PRR12: variants seen among roughly 807,000 people sequenced by gnomAD.
The protein encoded by PRR12 is proline rich 12, also known as proline-rich protein 12.
PRR12 carries 12 observed loss-of-function variants against 138.0 expected under a neutral mutation model. That is an observed-to-expected ratio of 0.09 (90% CI 0.06 to 0.14). PRR12 has a LOEUF of 0.14. Ranked by LOEUF, PRR12 falls within the 10% of genes least tolerant of loss-of-function variation. PRR12 has a pLI of 1.00. For synonymous variants in PRR12, 1,567 were observed against 1,291.7 expected (o/e 1.21, Z -4.57); for missense variants, 2,692 against 2,861.3 (o/e 0.94, Z 1.35).
Position 49,614,425 on chromosome 19 carries a change from C to A in PRR12, c.4774-108C>A. ...AGATATTTGTTGTTGACGTGTCTGC[C>A]TTTTCTCTAAGGGGATGGTGAGGGA... On this transcript the variant is annotated intron_variant, in intron 6 of 13. Coordinates refer to ENST00000418929, the MANE Select transcript of PRR12 (RefSeq NM_020719.3). This position sits in a 1 kb window ranked among gnomAD's most constrained non-coding sequence, Gnocchi z 5.0. The A allele has an allele frequency of 1.4e-6, 1 of 714,942 alleles. No homozygotes were observed. Among genetic ancestry groups the A allele is most frequent in the Non-Finnish European group, 2.3e-6 (1 of 441,584 alleles). The allele number at this position is 714,942 out of a possible 1,614,324, so 44.3% of individuals were successfully genotyped here. A position where few individuals can be genotyped will look rare whatever the true frequency, so the allele number is the denominator to read the frequency against.
Position 49,624,325 on chromosome 19 carries a change from G to C in PRR12, c.5722-519G>C, listed in dbSNP as rs564163253. Among the ~76,000 whole-genome samples, 4 of 150,166 alleles carry C rather than the reference G, an allele frequency of 2.7e-5. No individual in the cohort carries two copies. In the South Asian group the frequency reaches 6.3e-4, roughly 24 times the overall value. On this transcript the variant is annotated intron_variant, in intron 11 of 13. Coordinates refer to ENST00000418929, the MANE Select transcript of PRR12 (RefSeq NM_020719.3). ...TGGTTAGGATGGTGCTGAGAATTCT[G>C]GGGTAGGTGGTTAGGATGGTGCTGA...
chr19:49,596,152 G>T lies in PRR12; in HGVS notation c.1817G>T (p.Gly606Val). 6.2e-7 allele frequency: 1 copy of T among 1,607,456 alleles called. No homozygotes were observed. The change falls in exon 4 of 14, where the codon GGC becomes GTC. Residue 606 changes from glycine (G) to valine (V), a missense_variant. This residue lies in a region of PRR12 where 66 missense variants were observed against 102.4 expected (regional missense o/e 0.64). Coordinates refer to ENST00000418929, the MANE Select transcript of PRR12 (RefSeq NM_020719.3). This position sits in a 1 kb window ranked among gnomAD's most constrained non-coding sequence, Gnocchi z 5.6. ...CCTTTCCTGGCACCTCCGGGAGCTG[G>T]CAGCTATGCAGCCGGAGCAGGTGGC... is the stretch of plus-strand genomic sequence containing the variant. ...SAPFLAPPGA[G>V]SYAAGAGGYK...
Position 49,594,913 on chromosome 19 carries a change from C to T in PRR12, c.578C>T (p.Pro193Leu). ...CCTCATGACGTGCTGCACCTGAAGC[C>T]CTCGCAGGCACCCACGGTGCCCTCT... ...LSPHDVLHLKPSQAPTVPSSL... is the reference protein window; with the variant it reads ...LSPHDVLHLKLSQAPTVPSSL... The change falls in exon 4 of 14, where the codon CCC (proline) becomes CTC (leucine). Residue 193 changes from proline to leucine, a missense_variant. Physicochemically the swap from Pro to Leu is moderately conservative, Grantham distance 98. Around this residue, in one of 11 missense-constraint regions of PRR12, gnomAD observed 523 missense variants for 496.4 expected, o/e 1.05. Coordinates refer to ENST00000418929, the MANE Select transcript of PRR12 (RefSeq NM_020719.3). The surrounding 1 kb of genome is among the most constrained non-coding windows in gnomAD (Gnocchi z 5.6). The T allele has an allele frequency of 6.2e-7, 1 of 1,608,738 alleles. No homozygotes were observed. Among genetic ancestry groups the T allele is most frequent in the South Asian group, 1.1e-5 (1 of 90,268 alleles).
intron 6 of PRR12, among the ~76,000 whole-genome samples, chr19:49,606,559 G>A (rs949623124): frequency 1.3e-5 from 2 of 150,276 alleles, no homozygotes; most frequent in African/African-American, 2.4e-5. Context: ...CGCCTCCCCC[G>A]CCCCCCAACC....
rs1265388506 is a variant in PRR12 at position 49,614,111 on chromosome 19, AAAAAAG to A, written c.4774-415_4774-410del. On this transcript the variant is annotated intron_variant, in intron 6 of 13. Coordinates refer to ENST00000418929, the MANE Select transcript of PRR12 (RefSeq NM_020719.3). The surrounding 1 kb of genome is among the most constrained non-coding windows in gnomAD (Gnocchi z 5.0). Reference sequence around the variant, plus strand: ...GCAACAAGAGCAAAACTCCGTCTCAAAAAAAGAAAAAGTAAAAAGAGAATTATGTGG... The same window carrying A: ...GCAACAAGAGCAAAACTCCGTCTCAAAAAAAGTAAAAAGAGAATTATGTGG... Among the ~76,000 whole-genome samples the A allele has an allele frequency of 3.9e-5, 6 of 152,156 alleles. No homozygotes were observed. The highest frequency in any genetic ancestry group is 7.4e-5 in the Non-Finnish European group (5 of 68,014).
At chr19:49,618,633 C>T (rs1023900535) in intron 9 of PRR12, among the ~76,000 whole-genome samples, 3 of 152,110 alleles carry the variant, frequency 2.0e-5, no homozygotes, top group South Asian at 2.1e-4. Context: ...AGGCGATCCT[C>T]TCGCCTCAGT....
rs1360957503 is a variant in PRR12, at chr19:49,615,073, A to G, written c.5024+64A>G. 8.8e-6 allele frequency: 14 copies of G among 1,598,928 alleles called. No homozygotes were observed. The East Asian group carries it at 3.1e-4, about 36-fold the overall frequency. ...GCGCCGACAGGCATGGGGATGCGGCATGCAAGAGAGAAGGCTGGAGAGTGG... is the reference window on the plus strand; with the variant it reads ...GCGCCGACAGGCATGGGGATGCGGCGTGCAAGAGAGAAGGCTGGAGAGTGG... On this transcript the variant is annotated intron_variant, in intron 8 of 13. Coordinates refer to ENST00000418929, the MANE Select transcript of PRR12 (RefSeq NM_020719.3).
At position 49,597,638 on chromosome 19, in the gene PRR12, C is replaced by T. The variant is rs2080783151; in HGVS notation, c.3303C>T (p.Phe1101=). Residue 1101 remains phenylalanine (F), a synonymous_variant, in exon 4 of 14, where the codon TTC becomes TTT. Transcript: ENST00000418929. This position sits in a 1 kb window ranked among gnomAD's most constrained non-coding sequence, Gnocchi z 6.3. ...PKKLYAQEYE[F]EADEDKADVP... is the part of the protein sequence containing the mutation. ...AGCTGTACGCCCAGGAGTACGAGTT[C>T]GAGGCGGACGAGGACAAGGCCGATG... 6.2e-7 allele frequency: 1 copy of T among 1,608,752 alleles called. No individual in the cohort carries two copies. The highest frequency in any genetic ancestry group is 1.3e-5 in the African/African-American group (1 of 74,924).
In PRR12 at chr19:49,625,545, C is replaced by G. The variant is rs1240459222; in HGVS notation, c.6049C>G (p.Gln2017Glu). ...QCMRNQPWLE[Q>E]LFDSFSDLLA... ...CATGCGGAACCAGCCGTGGCTGGAA[C>G]AGCTCTTTGACTCCTTCAGTGACCT... Residue 2017 changes from glutamine to glutamate, a missense_variant, in exon 14 of 14, where the codon CAG becomes GAG. Coordinates refer to ENST00000418929, the MANE Select transcript of PRR12 (RefSeq NM_020719.3). The surrounding 1 kb of genome is among the most constrained non-coding windows in gnomAD (Gnocchi z 5.5). 1 of 1,612,608 alleles carries G rather than the reference C, an allele frequency of 6.2e-7. No individual in the cohort carries two copies. The highest frequency in any genetic ancestry group is 8.5e-7 in the Non-Finnish European group (1 of 1,179,524).
rs2080810310 is a variant in PRR12 at position 49,601,557 on chromosome 19, C to T, written c.4412C>T (p.Pro1471Leu). ...PPPAPTPQPQ[P>L]PPPPPPPQPA... The stretch of plus-strand genomic sequence containing the variant: ...CCTGCCCCGACTCCTCAGCCTCAGC[C>T]TCCGCCACCCCCTCCGCCGCCACAG... Residue 1471 changes from proline (P) to leucine (L), a missense_variant, in exon 6 of 14, where the codon CCT (proline) becomes CTT (leucine). By Grantham distance (98) the Pro-to-Leu change is moderately conservative. This residue lies in a region of PRR12 where 231 missense variants were observed against 200.8 expected (regional missense o/e 1.15). Coordinates refer to ENST00000418929, the MANE Select transcript of PRR12 (RefSeq NM_020719.3). 1.3e-6 allele frequency: 2 copies of T among 1,541,664 alleles called. No individual in the cohort carries two copies. Among genetic ancestry groups the T allele is most frequent in the African/African-American group, 2.8e-5 (2 of 72,720 alleles).
At chr19:49,610,167 G>A (rs959707395) in intron 6 of PRR12, among the ~76,000 whole-genome samples, 1 of 151,946 alleles carries the variant, frequency 6.6e-6, no homozygotes, top group Non-Finnish European at 1.5e-5. Context: ...TAGAGACAAG[G>A]TTTCACCATG....
At chr19:49,606,649 T>TA (rs2080839908) in intron 6 of PRR12, among the ~76,000 whole-genome samples, 1 of 146,122 alleles carries the variant, frequency 6.8e-6, no homozygotes, top group African/African-American at 2.6e-5. Flanking sequence ...ATCTCTCTTT[T>TA]TTTTTTTTTT....
chr19:49,596,866 C>A lies in PRR12; in HGVS notation c.2531C>A (p.Pro844Gln). The change falls in exon 4 of 14, where the codon CCA becomes CAA. Residue 844 changes from proline (P) to glutamine (Q), a missense_variant. By Grantham distance (76) the Pro-to-Gln change is moderately conservative. This residue lies in a region of PRR12 where 840 missense variants were observed against 689.8 expected (regional missense o/e 1.22). Transcript: ENST00000418929. The surrounding 1 kb of genome is among the most constrained non-coding windows in gnomAD (Gnocchi z 5.6). ...CCTCCACCGCCACCCCCGCCTCCAC[C>A]ACCCATGCCCCTGCAGCTCGAGGCC... ...QPPPPPPPPPPPMPLQLEAHL... is the reference protein window; with the variant it reads ...QPPPPPPPPPQPMPLQLEAHL... The A allele has an allele frequency of 6.4e-7, 1 of 1,571,474 alleles. No homozygotes were observed. The highest frequency in any genetic ancestry group is 8.6e-7 in the Non-Finnish European group (1 of 1,166,174).
Position 49,596,850 on chromosome 19 carries a change from C to G in PRR12, c.2515C>G (p.Pro839Ala). The change falls in exon 4 of 14, where the codon CCA becomes GCA. Residue 839 changes from proline to alanine, a missense_variant. By Grantham distance (27) the Pro-to-Ala change is conservative (BLOSUM62 -1). Coordinates refer to ENST00000418929, the MANE Select transcript of PRR12 (RefSeq NM_020719.3). The surrounding 1 kb of genome is among the most constrained non-coding windows in gnomAD (Gnocchi z 5.6). ...RDGAPQPPPP[P>A]PPPPPPMPLQ... ...TGGGGCACCCCAGCCACCTCCACCG[C>G]CACCCCCGCCTCCACCACCCATGCC... is the stretch of plus-strand genomic sequence containing the variant. 3 of 1,573,598 alleles carry G rather than the reference C, an allele frequency of 1.9e-6. No homozygotes were observed. The highest frequency in any genetic ancestry group is 2.6e-6 in the Non-Finnish European group (3 of 1,164,946).
chr19:49,620,589 GTC>G, intron 10 of PRR12, 112 bp downstream of exon 10: 2 of 1,437,258 alleles, frequency 1.4e-6, no homozygotes, highest in Admixed American at 2.1e-5. Context: ...GGACTCCTGA[GTC>G]TGAGGGAAGA....
intron 1 of PRR12, 76 bp from the exon 2 acceptor site, chr19:49,593,250 TC>T: frequency 2.4e-6 from 1 of 422,228 alleles, no homozygotes. Flanking sequence ...TCCCCCCAAC[TC>T]CCCGGGGGGT....
chr19:49,593,605 G>A (rs1356232873), intron 2 of PRR12, among the ~76,000 whole-genome samples, 166 bp downstream of exon 2: 1 of 152,012 alleles, frequency 6.6e-6, no homozygotes, highest in Non-Finnish European at 1.5e-5. Context: ...GCTGGTCGCT[G>A]CTTCATTTCT....
rs1031406131 is a variant in PRR12 at position 49,593,215 on chromosome 19, C to T, written c.87-112C>T. 194 of 593,902 alleles carry T rather than the reference C, an allele frequency of 3.3e-4. 1 individual carries two copies. Among genetic ancestry groups the T allele is most frequent in the Middle Eastern group, 6.0e-4 (2 of 3,328 alleles). 36.8% of individuals were successfully genotyped at this position (593,902 alleles called of 1,614,324 possible). A position where few individuals can be genotyped will look rare whatever the true frequency, so the allele number is the denominator to read the frequency against. On this transcript the variant is annotated intron_variant, in intron 1 of 13. Transcript: ENST00000418929. ...GGCCTACGGTTCCTTAGCTTAACACCCCCCACCCCGGTCAGCTGGAAGGGT... is the reference window on the plus strand; with the variant it reads ...GGCCTACGGTTCCTTAGCTTAACACTCCCCACCCCGGTCAGCTGGAAGGGT...
Position 49,595,884 on chromosome 19 carries a change from C to T in PRR12, c.1549C>T (p.Pro517Ser). 6.2e-7 allele frequency: 1 copy of T among 1,603,400 alleles called. No homozygotes were observed. Among genetic ancestry groups the T allele is most frequent in the Non-Finnish European group, 8.5e-7 (1 of 1,179,426 alleles). ...GGTGCAGGGCGAGCCATACCCAGGG[C>T]CAGCCGCCCACTCCCAGGGGCTGCC... Reference protein sequence around the residue: ...YGVQGEPYPGPAAHSQGLPTA... With the variant: ...YGVQGEPYPGSAAHSQGLPTA... Residue 517 changes from proline (P) to serine (S), a missense_variant, in exon 4 of 14, where the codon CCA becomes TCA. This residue lies in a region of PRR12 where 523 missense variants were observed against 496.4 expected (regional missense o/e 1.05). Transcript: ENST00000418929.
Sources: gnomAD v4.1 joint callset for allele counts (sites outside exome capture counted in the v4.1 genomes callset) on GRCh38, gnomAD v4.1.1 for gene constraint, gnomAD v4.1.1 regional missense constraint, Gnocchi (gnomAD v3.1) non-coding constraint, MANE v1.5 for transcripts, NCBI Gene and HGNC (gene_info 2026-07-23, HGNC 2026-07-21) for gene names.